MARCHF1: variants seen among roughly 807,000 people sequenced by gnomAD.
The protein encoded by MARCHF1 is E3 ubiquitin-protein ligase MARCHF1.
A neutral mutation model predicts 54.2 loss-of-function variants in MARCHF1; 40 were observed. That is an observed-to-expected ratio of 0.74 (90% CI 0.57 to 0.96). The LOEUF (loss-of-function observed/expected upper bound fraction) is 0.96, where lower values mean the gene tolerates loss of function less well. Among genes scored for constraint, MARCHF1 ranks in the 40% least tolerant of loss-of-function variants. The pLI is 0.00. For missense variants in MARCHF1, 586 were observed against 656.5 expected, an observed-to-expected ratio of 0.89 and a Z score of 1.17; for synonymous variants, 236 against 236.3, an observed-to-expected ratio of 1.00 and a Z score of 0.01.
intron 1 of MARCHF1, among the ~76,000 whole-genome samples, chr4:164,142,841 A>T (rs1756585116): frequency 6.6e-6 from 1 of 152,200 alleles, no homozygotes; most frequent in African/African-American, 2.4e-5. Flanking sequence ...TGACGAGCTG[A>T]GAGAAGAAGG....
intron 5 of MARCHF1, among the ~76,000 whole-genome samples, chr4:163,653,757 T>C (rs1474174528): frequency 6.6e-6 from 1 of 151,738 alleles, no homozygotes; most frequent in Non-Finnish European, 1.5e-5. Context: ...AGGATTTTCT[T>C]TGGACAGCTG....
chr4:163,972,748 G>A (rs1421588065), intron 3 of MARCHF1, among the ~76,000 whole-genome samples: 1 of 150,204 alleles, frequency 6.7e-6, no homozygotes, highest in Admixed American at 6.7e-5. Context: ...TAGTAGAGAC[G>A]GGTTTTCACT....
chr4:163,824,015 G>A (rs1301576962), intron 4 of MARCHF1, among the ~76,000 whole-genome samples: 2 of 151,814 alleles, frequency 1.3e-5, no homozygotes, highest in Admixed American at 6.6e-5. Context: ...AGATGGGGGT[G>A]TAATATCACA....
chr4:163,665,209 T>C (rs1258865317), intron 5 of MARCHF1, among the ~76,000 whole-genome samples: 1 of 152,110 alleles, frequency 6.6e-6, no homozygotes, highest in Non-Finnish European at 1.5e-5. Context: ...CCCATGTCAC[T>C]CTTGATGTCA....
chr4:164,297,397 G>A (rs368083221), intron 1 of MARCHF1, among the ~76,000 whole-genome samples: 14 of 152,238 alleles, frequency 9.2e-5, no homozygotes, highest in South Asian at 4.1e-4. Context: ...CCCCTGATGT[G>A]AGGCTATGAG....
chr4:163,561,703 G>A (rs1281913125), intron 8 of MARCHF1, among the ~76,000 whole-genome samples: 1 of 152,070 alleles, frequency 6.6e-6, no homozygotes, highest in Non-Finnish European at 1.5e-5. Context: ...CATCCATGCT[G>A]GGAACCTGGA....
chr4:164,262,471 G>C (rs554132516), intron 1 of MARCHF1, among the ~76,000 whole-genome samples: 2 of 152,212 alleles, frequency 1.3e-5, no homozygotes, highest in Non-Finnish European at 2.9e-5. Flanking sequence ...TGGCTGAACA[G>C]TCAGTGACTA....
chr4:163,646,354 AC>A (rs1311527418), intron 5 of MARCHF1, among the ~76,000 whole-genome samples: 1 of 152,136 alleles, frequency 6.6e-6, no homozygotes, highest in Non-Finnish European at 1.5e-5. Context: ...AGTGTTCATT[AC>A]CATTATATTT....
chr4:164,176,939 GCGCTCTCTCT>G (rs1476057405), intron 1 of MARCHF1, among the ~76,000 whole-genome samples: 540 of 53,650 alleles, frequency 0.01, 15 homozygotes, highest in African/African-American at 0.032. Context: ...AGTACCTTGT[GCGCTCTCTCT>G]CTCTCTCTCT....
At chr4:164,068,195 T>C (rs1405530014) in intron 2 of MARCHF1, among the ~76,000 whole-genome samples, 1 of 152,204 alleles carries the variant, frequency 6.6e-6, no homozygotes. Context: ...CGAGCTACCA[T>C]TTGATCCAGC....
At chr4:163,804,129 T>G (rs570827925) in intron 4 of MARCHF1, among the ~76,000 whole-genome samples, 2 of 152,214 alleles carry the variant, frequency 1.3e-5, no homozygotes, top group African/African-American at 2.4e-5. Context: ...ATTATAGAAC[T>G]ACAACAAGAC....
chr4:163,989,504 T>C (rs1464776843), intron 2 of MARCHF1, among the ~76,000 whole-genome samples: 1 of 152,144 alleles, frequency 6.6e-6, no homozygotes, highest in Non-Finnish European at 1.5e-5. Flanking sequence ...CCGAAATATA[T>C]GTTTGAATTA....
At position 163,616,094 on chromosome 4, in the gene MARCHF1, G is replaced by A. The variant is rs117370951; in HGVS notation, c.163-2701C>T. Among the ~76,000 whole-genome samples the A allele has an allele frequency of 1.2e-3, 182 of 152,162 alleles. 8 individuals carry two copies. The East Asian group carries it at 0.028, about 23-fold the overall frequency. On this transcript the variant is annotated intron_variant, in intron 5 of 9. Transcript: ENST00000514618. ...AAAATGAATTAAAGACTTAAATATAGACCCAAAACTAAAAGACTATTAGGA... is the reference window on the plus strand; with the variant it reads ...AAAATGAATTAAAGACTTAAATATAAACCCAAAACTAAAAGACTATTAGGA...
At chr4:163,725,014 C>T (rs182143240) in intron 4 of MARCHF1, among the ~76,000 whole-genome samples, 2 of 152,210 alleles carry the variant, frequency 1.3e-5, no homozygotes, top group Admixed American at 1.3e-4. Flanking sequence ...CACCTACTGT[C>T]CTGCCCCCAC....
chr4:164,346,282 C>G (rs1459192218), intron 1 of MARCHF1, among the ~76,000 whole-genome samples: 3 of 152,062 alleles, frequency 2.0e-5, no homozygotes, highest in African/African-American at 7.2e-5. Flanking sequence ...ACTGGCATAA[C>G]TAGAATTTTA....
chr4:164,054,964 T>C lies in MARCHF1; in HGVS notation c.-248+56624A>G, dbSNP rs190163800. Among the ~76,000 whole-genome samples, 791 of 152,274 alleles carry C rather than the reference T, an allele frequency of 5.2e-3. 6 individuals carry two copies. Among genetic ancestry groups the C allele is most frequent in the African/African-American group, 0.018 (753 of 41,562 alleles). ...AAAAAAAGAAAATTATTATTTATAC[T>C]GTCATGTAATATGAAAGTAGTAAGT... On this transcript the variant is annotated intron_variant, in intron 2 of 9. Coordinates refer to ENST00000514618, the MANE Select transcript of MARCHF1 (RefSeq NM_001394959.1).
In MARCHF1 at chr4:163,528,500, T is replaced by A. The variant is rs745910431; in HGVS notation, c.*248A>T. On this transcript the variant is annotated 3_prime_UTR_variant, in exon 10 of 10. Coordinates refer to ENST00000514618, the MANE Select transcript of MARCHF1 (RefSeq NM_001394959.1). Reference sequence around the variant, plus strand: ...TTGCCCCAGTAGTTCTTAATTGTCTTGGAAATCATTCTCTTGCAAACTTCA... The same window carrying A: ...TTGCCCCAGTAGTTCTTAATTGTCTAGGAAATCATTCTCTTGCAAACTTCA... 8.7e-6 allele frequency: 4 copies of A among 458,492 alleles called. No homozygotes were observed. The highest frequency in any genetic ancestry group is 1.6e-5 in the Non-Finnish European group (4 of 256,994). 28.4% of individuals were successfully genotyped at this position (458,492 alleles called of 1,614,324 possible).
chr4:163,829,072 CA>C (rs1748941357), intron 4 of MARCHF1: 1 of 152,334 alleles, frequency 6.6e-6, no homozygotes, highest in Admixed American at 6.5e-5. Flanking sequence ...CCTGTCAAGT[CA>C]GGGGGATGAT....
At chr4:164,024,915 A>G (rs1371794035) in intron 2 of MARCHF1, among the ~76,000 whole-genome samples, 4 of 152,192 alleles carry the variant, frequency 2.6e-5, no homozygotes, top group Non-Finnish European at 1.5e-5. Context: ...ATGGAAAACA[A>G]AAGAACAGCA....
Sources: allele counts gnomAD v4.1 joint callset (sites outside exome capture counted in the v4.1 genomes callset), GRCh38; gene constraint gnomAD v4.1.1; transcripts MANE v1.5; gene names NCBI Gene and HGNC (gene_info 2026-07-23, HGNC 2026-07-21).